Variants in SDK1 observed in about 807,000 individuals in gnomAD.
SDK1 encodes the protein protein sidekick-1.
In SDK1, 157 loss-of-function variants were observed where a neutral mutation model predicts 245.5. The ratio of observed to expected loss-of-function variants is 0.64; its 90% CI spans 0.56 to 0.73. The LOEUF is 0.73. SDK1 is among the 30% of genes least tolerant of loss of function. The probability of loss-of-function intolerance (pLI) is 0.00; values close to 1 mark genes in which losing one functional copy is unlikely to be tolerated. For synonymous variants in SDK1, 1,647 were observed against 1,278.5 expected, an observed-to-expected ratio of 1.29 and a Z score of -6.15; for missense variants, 3,583 against 3,002.3, an observed-to-expected ratio of 1.19 and a Z score of -4.52.
intron 1 of SDK1, 34 bp from the exon 2 acceptor site, chr7:3,619,046 C>A: frequency 6.7e-7 from 1 of 1,490,696 alleles, no homozygotes; most frequent in South Asian, 1.2e-5. Context: ...ATGCGTACTT[C>A]AGTTTTGTTT....
At chr7:3,321,970 C>T (rs1010838438) in intron 1 of SDK1, among the ~76,000 whole-genome samples, 15 of 151,258 alleles carry the variant, frequency 9.9e-5, no homozygotes, top group African/African-American at 3.7e-4. Flanking sequence ...TTTGCCCTCT[C>T]CCTCTACAGG....
At chr7:3,477,076 T>C (rs1253983926) in intron 1 of SDK1, among the ~76,000 whole-genome samples, 1 of 152,188 alleles carries the variant, frequency 6.6e-6, no homozygotes, top group African/African-American at 2.4e-5. Flanking sequence ...GACCTTCCTC[T>C]GTACTTTGGA....
chr7:3,871,635 G>C (rs1352648634), intron 5 of SDK1, among the ~76,000 whole-genome samples: 1 of 152,206 alleles, frequency 6.6e-6, no homozygotes, highest in Non-Finnish European at 1.5e-5. Flanking sequence ...CCTGTGTGCA[G>C]AGATCCCAGG....
chr7:3,338,429 A>T (rs1313024780), intron 1 of SDK1: 1 of 527,006 alleles, frequency 1.9e-6, no homozygotes, highest in Non-Finnish European at 3.6e-6. Context: ...AAGAGCCAAG[A>T]TAGCTTCCTG....
intron 1 of SDK1, among the ~76,000 whole-genome samples, chr7:3,339,342 G>A (rs1780284974): frequency 6.6e-6 from 1 of 152,058 alleles, no homozygotes; most frequent in African/African-American, 2.4e-5. Flanking sequence ...ATAAATAAAT[G>A]TAATAAATAA....
At position 4,250,675 on chromosome 7, in the gene SDK1, C is replaced by T. The variant is rs560058413; in HGVS notation, c.6381+4870C>T. Among the ~76,000 whole-genome samples, 180 of 152,238 alleles carry T rather than the reference C, an allele frequency of 1.2e-3. 2 individuals are homozygous for T. Among genetic ancestry groups the T allele is most frequent in the African/African-American group, 4.3e-3 (177 of 41,548 alleles). ...GTGTATTTTTCTGTGTAGGGTCTAA[C>T]GGAACACAGGCCAAATGTCACAAGG... On this transcript the variant is annotated intron_variant, in intron 44 of 44. Coordinates refer to ENST00000404826, the MANE Select transcript of SDK1 (RefSeq NM_152744.4).
intron 14 of SDK1, among the ~76,000 whole-genome samples, chr7:3,997,189 C>G (rs1283295353): frequency 6.6e-6 from 1 of 152,150 alleles, no homozygotes; most frequent in African/African-American, 2.4e-5. Context: ...CTTTTCCAGC[C>G]AGAAACCTCT....
intron 1 of SDK1, among the ~76,000 whole-genome samples, chr7:3,454,562 G>A (rs1780617623): frequency 6.6e-6 from 1 of 152,078 alleles, no homozygotes; most frequent in Non-Finnish European, 1.5e-5. Context: ...TCTCTGATCA[G>A]CTGCAATAAC....
At chr7:3,847,585 T>C (rs1384019704) in intron 5 of SDK1, among the ~76,000 whole-genome samples, 1 of 152,232 alleles carries the variant, frequency 6.6e-6, no homozygotes, top group Non-Finnish European at 1.5e-5. Flanking sequence ...TGGTCTTTGT[T>C]GACGCTGTCA....
At chr7:3,612,136 A>G (rs1356660006) in intron 1 of SDK1, among the ~76,000 whole-genome samples, 6 of 152,184 alleles carry the variant, frequency 3.9e-5, no homozygotes, top group Non-Finnish European at 8.8e-5. Context: ...CATTGGGTAC[A>G]GTGTACACTG....
chr7:3,464,477 C>T (rs949701486), intron 1 of SDK1, among the ~76,000 whole-genome samples: 2 of 152,156 alleles, frequency 1.3e-5, no homozygotes, highest in African/African-American at 2.4e-5. Flanking sequence ...ACTACGATTT[C>T]GCCACTGCAC....
At chr7:3,313,703 A>G (rs958116439) in intron 1 of SDK1, among the ~76,000 whole-genome samples, 2 of 152,208 alleles carry the variant, frequency 1.3e-5, no homozygotes, top group Non-Finnish European at 2.9e-5. Context: ...CAAAGGATAC[A>G]AAATTTCATT....
chr7:3,805,656 C>G (rs369165442), intron 4 of SDK1, among the ~76,000 whole-genome samples: 3 of 152,258 alleles, frequency 2.0e-5, no homozygotes, highest in Middle Eastern at 3.4e-3. Context: ...GTAAATTCCC[C>G]AGTAAGTGCT....
chr7:3,573,928 C>T (rs1188254886), intron 1 of SDK1, among the ~76,000 whole-genome samples: 1 of 151,380 alleles, frequency 6.6e-6, no homozygotes, highest in Admixed American at 6.6e-5. Flanking sequence ...ATGACAGGTT[C>T]ATCAATTCTA....
At chr7:3,981,104 C>T (rs113995722) in intron 13 of SDK1, among the ~76,000 whole-genome samples, 6 of 152,134 alleles carry the variant, frequency 3.9e-5, no homozygotes, top group South Asian at 4.1e-4. Context: ...ATTTTTCCAA[C>T]GGCACCTGCT....
At chr7:3,563,792 T>C (rs1227875421) in intron 1 of SDK1, among the ~76,000 whole-genome samples, 2 of 152,156 alleles carry the variant, frequency 1.3e-5, no homozygotes, top group Non-Finnish European at 2.9e-5. Flanking sequence ...AAACCGTGTA[T>C]TATGCCATAT....
At chr7:4,133,179 C>G (rs2128200305) in intron 28 of SDK1, among the ~76,000 whole-genome samples, 1 of 152,316 alleles carries the variant, frequency 6.6e-6, no homozygotes, top group Non-Finnish European at 1.5e-5. Context: ...TGCCCTGGGT[C>G]CCGGGGAACG....
chr7:3,464,966 T>C (rs535533805), intron 1 of SDK1, among the ~76,000 whole-genome samples: 15 of 152,294 alleles, frequency 9.8e-5, no homozygotes, highest in African/African-American at 3.6e-4. Context: ...TTTAAAATAA[T>C]GTACTTCGTG....
intron 1 of SDK1, among the ~76,000 whole-genome samples, chr7:3,455,812 A>C (rs1024396887): frequency 8.5e-5 from 13 of 152,234 alleles, no homozygotes; most frequent in African/African-American, 3.1e-4. Context: ...TGTCTGTAAA[A>C]AAACTTTGCT....
Sources: gnomAD v4.1 joint callset for allele counts (sites outside exome capture counted in the v4.1 genomes callset) on GRCh38, gnomAD v4.1.1 for gene constraint, MANE v1.5 for transcripts, NCBI Gene and HGNC (gene_info 2026-07-23, HGNC 2026-07-21) for gene names.